The following EFCAB8 variants were observed in gnomAD, a reference collection of about 807,000 sequenced individuals.
EFCAB8 encodes EF-hand calcium-binding domain-containing protein 8.
Under a neutral mutation model 116.3 loss-of-function variants are expected in EFCAB8, and 100 were observed. The observed-to-expected ratio is 0.86, with a 90% confidence interval of 0.73 to 1.02. EFCAB8 has a LOEUF of 1.02. EFCAB8 is among the 50% of genes least tolerant of loss of function. The pLI is 0.00. For missense variants in EFCAB8, 1,320 were observed against 1,416.9 expected, an observed-to-expected ratio of 0.93 and a Z score of 1.10; for synonymous variants, 558 against 567.9, an observed-to-expected ratio of 0.98 and a Z score of 0.25.
intron 22 of EFCAB8, among the ~76,000 whole-genome samples, chr20:32,941,725 G>A (rs1015179497): frequency 2.0e-5 from 3 of 152,152 alleles, no homozygotes; most frequent in African/African-American, 7.2e-5. Context: ...AAATTGCGTA[G>A]TGACTACTGG....
chr20:32,940,909 T>C (rs1469444457), intron 22 of EFCAB8, among the ~76,000 whole-genome samples: 2 of 149,718 alleles, frequency 1.3e-5, no homozygotes, highest in Non-Finnish European at 3.0e-5. Context: ...ATAATAGCAA[T>C]GGTTGGCTGG....
intron 1 of EFCAB8, among the ~76,000 whole-genome samples, chr20:32,862,182 G>T (rs912359838): frequency 6.6e-6 from 1 of 150,768 alleles, no homozygotes; most frequent in East Asian, 2.0e-4. Flanking sequence ...CCAGGCTGGA[G>T]TGTAGTGGTA....
intron 23 of EFCAB8, among the ~76,000 whole-genome samples, chr20:32,953,807 TTTTGTTTG>T (rs745634578): frequency 6.6e-6 from 1 of 152,096 alleles, no homozygotes; most frequent in African/African-American, 2.4e-5. Flanking sequence ...TGATTGTGGT[TTTTGTTTG>T]TTTGTTTGTT....
chr20:32,953,395 A>G (rs867701101), intron 23 of EFCAB8, among the ~76,000 whole-genome samples: 1 of 151,958 alleles, frequency 6.6e-6, no homozygotes, highest in East Asian at 1.9e-4. Context: ...TTTTTGAGGA[A>G]CCTCCATACT....
At chr20:32,895,367 C>T (rs1986107309) in intron 9 of EFCAB8, among the ~76,000 whole-genome samples, 2 of 148,598 alleles carry the variant, frequency 1.3e-5, no homozygotes, top group Admixed American at 6.7e-5. Context: ...CTCTGTTGCC[C>T]AGGCTGGAGT....
intron 11 of EFCAB8, chr20:32,903,414 C>T (rs1474059440): frequency 2.6e-5 from 4 of 152,294 alleles, no homozygotes; most frequent in East Asian, 1.9e-4. Flanking sequence ...TGTCCATCTC[C>T]CTTCTGTGTG....
intron 4 of EFCAB8, among the ~76,000 whole-genome samples, chr20:32,878,271 G>GA (rs936491853): frequency 7.0e-5 from 10 of 143,562 alleles, no homozygotes; most frequent in Admixed American, 2.8e-4. Context: ...GTCCCAAAAG[G>GA]AAAAAAAAAA....
In EFCAB8 at chr20:32,910,771, C is replaced by T. The variant is rs534849935; in HGVS notation, c.1558-709C>T. Among the ~76,000 whole-genome samples the T allele has an allele frequency of 9.4e-5, 12 of 127,854 alleles. No homozygotes were observed. The East Asian group carries it at 2.5e-3, about 27-fold the overall frequency. 83.9% of individuals were successfully genotyped at this position (127,854 alleles called of 152,430 possible). On this transcript the variant is annotated intron_variant, in intron 15 of 26. Transcript: ENST00000400522. Reference sequence around the variant, plus strand: ...TTTTTTTTTTTTTTTGCCAGGGTCTCGCTCTGTCGCCCAGGCTGGAGTGCA... The same window carrying T: ...TTTTTTTTTTTTTTTGCCAGGGTCTTGCTCTGTCGCCCAGGCTGGAGTGCA...
chr20:32,907,603 T>G (rs1010162213), intron 13 of EFCAB8, among the ~76,000 whole-genome samples: 2 of 152,104 alleles, frequency 1.3e-5, no homozygotes, highest in African/African-American at 2.4e-5. Flanking sequence ...GATGGAGAAT[T>G]GTCAGGGCCC....
chr20:32,908,107 CCT>C (rs1403280844), intron 13 of EFCAB8, among the ~76,000 whole-genome samples, 166 bp from the exon 14 acceptor site: 1 of 152,192 alleles, frequency 6.6e-6, no homozygotes, highest in Non-Finnish European at 1.5e-5. Context: ...ACAAGAGTAG[CCT>C]CTCTGCTGCT....
intron 22 of EFCAB8, among the ~76,000 whole-genome samples, chr20:32,942,040 G>A (rs1003133095): frequency 6.6e-6 from 1 of 151,942 alleles, no homozygotes; most frequent in Non-Finnish European, 1.5e-5. Context: ...CTACAAAATT[G>A]CACTCTAGAA....
chr20:32,926,671 C>G (rs1309059709), intron 20 of EFCAB8, among the ~76,000 whole-genome samples: 2 of 132,506 alleles, frequency 1.5e-5, no homozygotes, highest in Non-Finnish European at 3.2e-5. Flanking sequence ...TCCCCCGACC[C>G]CACAACAGTC....
At chr20:32,907,047 G>A (rs1986713856) in intron 13 of EFCAB8, 53 bp downstream of exon 13, 1 of 1,461,360 alleles carries the variant, frequency 6.8e-7, no homozygotes, top group Non-Finnish European at 9.1e-7. Context: ...AAACACACTG[G>A]CCAGAGAAAT....
Position 32,943,662 on chromosome 20 carries a change from G to T in EFCAB8, c.2817G>T (p.Leu939=), listed in dbSNP as rs1281017781. Residue 939 remains leucine, a synonymous_variant, in exon 23 of 27, where the codon CTG becomes CTT. Transcript: ENST00000400522. ...KEVVAGHTIS[L]VPPTLLMTWK... is the part of the protein sequence containing the mutation. ...TTGTGGCTGGCCATACCATTTCCCTGGTTCCCCCCACGCTCCTGATGACCT... is the reference window on the plus strand; with the variant it reads ...TTGTGGCTGGCCATACCATTTCCCTTGTTCCCCCCACGCTCCTGATGACCT... 1 of 416,984 alleles carries T rather than the reference G, an allele frequency of 2.4e-6. No homozygotes were observed. The highest frequency in any genetic ancestry group is 4.4e-6 in the Non-Finnish European group (1 of 226,656). The allele number at this position is 416,984 out of a possible 1,614,324, so 25.8% of individuals were successfully genotyped here. A position where few individuals can be genotyped will look rare whatever the true frequency, so the allele number is the denominator to read the frequency against.
intron 22 of EFCAB8, among the ~76,000 whole-genome samples, chr20:32,939,755 C>T (rs540810949): frequency 3.6e-5 from 5 of 140,298 alleles, no homozygotes; most frequent in Admixed American, 2.8e-4. Context: ...AGTGCAGTGG[C>T]GCCACCTCGG....
At chr20:32,876,326 C>T (rs1984971741) in intron 4 of EFCAB8, among the ~76,000 whole-genome samples, 1 of 152,222 alleles carries the variant, frequency 6.6e-6, no homozygotes, top group South Asian at 2.1e-4. Flanking sequence ...GGCTGTGGTG[C>T]CCACCAACCT....
intron 22 of EFCAB8, among the ~76,000 whole-genome samples, chr20:32,932,080 A>G (rs1246849158): frequency 6.6e-6 from 1 of 152,158 alleles, no homozygotes; most frequent in African/African-American, 2.4e-5. Context: ...CAGTTTCTAA[A>G]AATTTATTCA....
chr20:32,936,192 C>G (rs34867308), intron 22 of EFCAB8, among the ~76,000 whole-genome samples: 1 of 151,876 alleles, frequency 6.6e-6, no homozygotes, highest in African/African-American at 2.4e-5. Context: ...GCCACCATGC[C>G]TAGCTAATTT....
chr20:32,889,261 A>G, intron 6 of EFCAB8, 40 bp from the exon 7 acceptor site: 4 of 1,524,562 alleles, frequency 2.6e-6, no homozygotes, highest in Non-Finnish European at 1.8e-6. Context: ...TGGCCTGAGT[A>G]TGCGTCCCAG....
Sources: allele counts gnomAD v4.1 joint callset (sites outside exome capture counted in the v4.1 genomes callset), GRCh38; gene constraint gnomAD v4.1.1; transcripts MANE v1.5; gene names NCBI Gene and HGNC (gene_info 2026-07-23, HGNC 2026-07-21).